SLIT2: variants seen among roughly 807,000 people sequenced by gnomAD.
The protein encoded by SLIT2 is slit homolog 2 protein.
A neutral mutation model predicts 185.7 loss-of-function variants in SLIT2; 41 were observed. That is an observed-to-expected ratio of 0.22 (90% CI 0.17 to 0.29). The LOEUF is 0.29. Among genes scored for constraint, SLIT2 ranks in the 10% least tolerant of loss-of-function variants. The probability of loss-of-function intolerance (pLI) is 1.00; values close to 1 mark genes in which losing one functional copy is unlikely to be tolerated. For synonymous variants in SLIT2, 693 were observed against 680.2 expected (o/e 1.02, Z -0.29); for missense variants, 1,571 against 1,909.0 (o/e 0.82, Z 3.30).
chr4:20,276,232 C>CT (rs1714156485), intron 4 of SLIT2, among the ~76,000 whole-genome samples: 1 of 152,052 alleles, frequency 6.6e-6, no homozygotes, highest in East Asian at 1.9e-4. Context: ...TTGTTTTGTT[C>CT]TTTTTTCCAC....
intron 4 of SLIT2, among the ~76,000 whole-genome samples, chr4:20,443,004 A>G (rs1473958825): frequency 6.6e-6 from 1 of 152,196 alleles, no homozygotes; most frequent in African/African-American, 2.4e-5. Context: ...GACGAGAATA[A>G]GTCACATGAA....
At chr4:20,324,986 G>GAAAAGAAA (rs1719436535) in intron 4 of SLIT2, among the ~76,000 whole-genome samples, 1 of 151,958 alleles carries the variant, frequency 6.6e-6, no homozygotes, top group Non-Finnish European at 1.5e-5. Context: ...AATAAAGCTG[G>GAAAAGAAA]AAAAGAAAAG....
intron 4 of SLIT2, among the ~76,000 whole-genome samples, chr4:20,297,898 A>G (rs1354428005): frequency 6.6e-6 from 1 of 152,122 alleles, no homozygotes; most frequent in Non-Finnish European, 1.5e-5. Context: ...TTTGCAAGTT[A>G]TTTAGTACTT....
In SLIT2 at chr4:20,542,522, T is replaced by G. The variant is rs1399663613; in HGVS notation, c.2172T>G (p.Leu724=). 1.3e-5 allele frequency: 21 copies of G among 1,613,632 alleles called. No homozygotes were observed. The highest frequency in any genetic ancestry group is 1.8e-5 in the Non-Finnish European group (21 of 1,179,742). ...DGNDDNSCSP[L]SRCPTECTCL... ...ATGATGACAATAGTTGCTCCCCACT[T>G]TCTCGCTGTCCTACTGAATGTACTT... is the stretch of plus-strand genomic sequence containing the variant. The change falls in exon 21 of 37, where the codon CTT becomes CTG. Residue 724 remains leucine (L), a synonymous_variant. Coordinates refer to ENST00000504154, the MANE Select transcript of SLIT2 (RefSeq NM_004787.4).
At chr4:20,526,598 T>C (rs1424710055) in intron 15 of SLIT2, among the ~76,000 whole-genome samples, 1 of 152,204 alleles carries the variant, frequency 6.6e-6, no homozygotes, top group Non-Finnish European at 1.5e-5. Context: ...ATATTTCCAA[T>C]TCACTAAATA....
At position 20,537,125 on chromosome 4, in the gene SLIT2, A is replaced by T. The variant is rs1722368069; in HGVS notation, c.1833-2316A>T. Among the ~76,000 whole-genome samples, 3 of 152,218 alleles carry T rather than the reference A, an allele frequency of 2.0e-5. No individual in the cohort carries two copies. In the South Asian group the frequency reaches 6.2e-4, roughly 32 times the overall value. On this transcript the variant is annotated intron_variant, in intron 18 of 36. Transcript: ENST00000504154. ...TTAATAAGTAGAAGTACACTCTAAA[A>T]TAACAATAGTATAGTAAATACATAA...
At chr4:20,500,036 A>T (rs555450887) in intron 9 of SLIT2, among the ~76,000 whole-genome samples, 1 of 152,190 alleles carries the variant, frequency 6.6e-6, no homozygotes, top group Non-Finnish European at 1.5e-5. Context: ...TACAGCACAT[A>T]TGGATGAACT....
At position 20,379,910 on chromosome 4, in the gene SLIT2, C is replaced by T. The variant is rs144356294; in HGVS notation, c.396-87842C>T. On this transcript the variant is annotated intron_variant, in intron 4 of 36. Coordinates refer to ENST00000504154, the MANE Select transcript of SLIT2 (RefSeq NM_004787.4). ...GAAAGACTTCGAAGTTCAGGGAGGA[C>T]GAGGCAGCTGGAATTTGAGGGGTAA... 1.3e-3 allele frequency among the ~76,000 whole-genome samples: 195 copies of T among 151,890 alleles called. No individual in the cohort carries two copies. The South Asian group carries it at 0.014, about 11-fold the overall frequency.
intron 4 of SLIT2, chr4:20,364,283 G>C: frequency 2.0e-6 from 2 of 985,146 alleles, no homozygotes; most frequent in Non-Finnish European, 2.4e-6. Flanking sequence ...ACATATGAAA[G>C]GGTAAGCATT....
intron 4 of SLIT2, among the ~76,000 whole-genome samples, chr4:20,298,855 G>A (rs1447791528): frequency 6.6e-6 from 1 of 152,176 alleles, no homozygotes; most frequent in Non-Finnish European, 1.5e-5. Flanking sequence ...AGCTCTCATA[G>A]TGATGGTGGC....
chr4:20,330,757 A>G (rs886823238), intron 4 of SLIT2, among the ~76,000 whole-genome samples: 4 of 151,986 alleles, frequency 2.6e-5, no homozygotes, highest in African/African-American at 9.7e-5. Flanking sequence ...CATGGATAGT[A>G]TTAATTCATA....
At chr4:20,397,542 C>G (rs1725996801) in intron 4 of SLIT2, among the ~76,000 whole-genome samples, 1 of 151,690 alleles carries the variant, frequency 6.6e-6, no homozygotes, top group African/African-American at 2.4e-5. Flanking sequence ...GTAAACCACA[C>G]ACATCTTCCT....
intron 9 of SLIT2, among the ~76,000 whole-genome samples, chr4:20,499,578 C>T (rs1718524549): frequency 6.6e-6 from 1 of 152,138 alleles, no homozygotes; most frequent in African/African-American, 2.4e-5. Flanking sequence ...CAAGGTCCGC[C>T]TCCTGGGTTC....
chr4:20,388,570 T>C (rs1432599568), intron 4 of SLIT2, among the ~76,000 whole-genome samples: 2 of 151,852 alleles, frequency 1.3e-5, no homozygotes, highest in African/African-American at 4.8e-5. Context: ...GGTCAGGAGC[T>C]TGAGGCCAGC....
intron 34 of SLIT2, among the ~76,000 whole-genome samples, chr4:20,612,049 G>A (rs539603873): frequency 5.9e-5 from 9 of 151,878 alleles, no homozygotes; most frequent in African/African-American, 2.2e-4. Flanking sequence ...TAAATCTTTC[G>A]AAGCCCCTTT....
chr4:20,455,896 T>C (rs1713010637), intron 4 of SLIT2, among the ~76,000 whole-genome samples: 1 of 152,188 alleles, frequency 6.6e-6, no homozygotes, highest in African/African-American at 2.4e-5. Flanking sequence ...ATTTATGAAG[T>C]CTTTATTTCT....
At chr4:20,347,165 G>A (rs184498789) in intron 4 of SLIT2, among the ~76,000 whole-genome samples, 50 of 152,292 alleles carry the variant, frequency 3.3e-4, no homozygotes, top group African/African-American at 1.2e-3. Context: ...AAGCGGATTG[G>A]CACTTATGTG....
At chr4:20,288,965 C>T (rs1307573244) in intron 4 of SLIT2, among the ~76,000 whole-genome samples, 1 of 152,176 alleles carries the variant, frequency 6.6e-6, no homozygotes, top group African/African-American at 2.4e-5. Context: ...ATTGAACCAA[C>T]TTAGGTGAAG....
At position 20,361,251 on chromosome 4, in the gene SLIT2, A is replaced by T. The variant is rs1722719858; in HGVS notation, c.395+92370A>T. On this transcript the variant is annotated intron_variant, in intron 4 of 36. Coordinates refer to ENST00000504154, the MANE Select transcript of SLIT2 (RefSeq NM_004787.4). ...GATTCACTTGAGGTATAGTCATTTC[A>T]TATATTAGGTTTTATTAGAGCTTTT... 3.9e-5 allele frequency among the ~76,000 whole-genome samples: 5 copies of T among 128,142 alleles called. No individual in the cohort carries two copies. The South Asian group carries it at 1.2e-3, about 30-fold the overall frequency. 84.1% of individuals were successfully genotyped at this position (128,142 alleles called of 152,430 possible). A position where few individuals can be genotyped will look rare whatever the true frequency, so the allele number is the denominator to read the frequency against.
Sources: gnomAD v4.1 joint callset for allele counts (sites outside exome capture counted in the v4.1 genomes callset) on GRCh38, gnomAD v4.1.1 for gene constraint, MANE v1.5 for transcripts, NCBI Gene and HGNC (gene_info 2026-07-23, HGNC 2026-07-21) for gene names.